TRHDE: variants seen among roughly 807,000 people sequenced by gnomAD.
TRHDE encodes the protein thyrotropin releasing hormone degrading enzyme.
A neutral mutation model predicts 125.7 loss-of-function variants in TRHDE; 72 were observed. The observed-to-expected ratio is 0.57, with a 90% CI of 0.47 to 0.70. TRHDE has a LOEUF of 0.70. TRHDE is among the 30% of genes least tolerant of loss of function. The pLI is 0.00. For synonymous variants in TRHDE, 509 were observed against 509.1 expected (o/e 1.00, Z 0.00); for missense variants, 1,110 against 1,327.1 (o/e 0.84, Z 2.54).
At chr12:72,311,185 A>G (rs1162199459) in intron 2 of TRHDE, among the ~76,000 whole-genome samples, 1 of 151,992 alleles carries the variant, frequency 6.6e-6, no homozygotes, top group African/African-American at 2.4e-5. Context: ...CCCCAGCTCC[A>G]GGCCTTGGCA....
At chr12:72,301,815 G>A (rs1868264006) in intron 2 of TRHDE, among the ~76,000 whole-genome samples, 1 of 152,130 alleles carries the variant, frequency 6.6e-6, no homozygotes, top group Non-Finnish European at 1.5e-5. Context: ...TAGGACTGTA[G>A]GTAGGGTGGG....
chr12:72,499,283 G>A (rs946418649), intron 5 of TRHDE, among the ~76,000 whole-genome samples: 4 of 152,070 alleles, frequency 2.6e-5, no homozygotes, highest in Admixed American at 2.0e-4. Context: ...CCAATGTAGT[G>A]TCCATTGATT....
intron 2 of TRHDE, among the ~76,000 whole-genome samples, chr12:72,253,075 A>G (rs1878721319): frequency 6.6e-6 from 1 of 152,074 alleles, no homozygotes; most frequent in Admixed American, 6.5e-5. Flanking sequence ...TCATTTTGTT[A>G]TAACTTTGAT....
At chr12:72,340,696 A>G (rs1022011155) in intron 2 of TRHDE, among the ~76,000 whole-genome samples, 3 of 152,094 alleles carry the variant, frequency 2.0e-5, no homozygotes, top group Non-Finnish European at 4.4e-5. Context: ...TCCAAGCAGC[A>G]GGAAAGAGGA....
chr12:72,645,857 A>T (rs977560703), intron 15 of TRHDE, among the ~76,000 whole-genome samples: 5 of 152,090 alleles, frequency 3.3e-5, no homozygotes, highest in Non-Finnish European at 5.9e-5. Flanking sequence ...AACCAAGAAA[A>T]CTATACAAGC....
intron 3 of TRHDE, among the ~76,000 whole-genome samples, chr12:72,404,835 A>G (rs1873200012): frequency 6.6e-6 from 1 of 152,190 alleles, no homozygotes. Context: ...TACCTCTGCT[A>G]CTTCTGAGAT....
At chr12:72,634,836 A>AT (rs1331030491) in intron 15 of TRHDE, among the ~76,000 whole-genome samples, 1 of 151,540 alleles carries the variant, frequency 6.6e-6, no homozygotes. Flanking sequence ...TGAACTCATC[A>AT]TTTTTTATGG....
At chr12:72,545,151 A>G (rs952927711) in intron 7 of TRHDE, among the ~76,000 whole-genome samples, 5 of 151,448 alleles carry the variant, frequency 3.3e-5, no homozygotes. Flanking sequence ...ATTGAGCTTG[A>G]ACATTTCTGT....
At chr12:72,427,490 C>T (rs1053495713) in intron 3 of TRHDE, among the ~76,000 whole-genome samples, 1 of 152,052 alleles carries the variant, frequency 6.6e-6, no homozygotes, top group African/African-American at 2.4e-5. Context: ...GGTTTTTACT[C>T]TTCTTTTAGT....
chr12:72,136,299 A>G (rs564820835), intron 2 of TRHDE, among the ~76,000 whole-genome samples: 1 of 152,198 alleles, frequency 6.6e-6, no homozygotes, highest in Non-Finnish European at 1.5e-5. Flanking sequence ...TGAATTGCAT[A>G]TTGGTGAGAA....
intron 6 of TRHDE, among the ~76,000 whole-genome samples, chr12:72,515,647 T>G (rs1293107048): frequency 6.6e-6 from 1 of 152,072 alleles, no homozygotes; most frequent in African/African-American, 2.4e-5. Flanking sequence ...TTAGTTTAAT[T>G]AGATCCCATT....
intron 3 of TRHDE, among the ~76,000 whole-genome samples, chr12:72,422,157 G>C (rs951878034): frequency 2.0e-5 from 3 of 152,034 alleles, no homozygotes; most frequent in Non-Finnish European, 4.4e-5. Flanking sequence ...GAAATGTAGT[G>C]GTTTCTTTTC....
intron 2 of TRHDE, among the ~76,000 whole-genome samples, chr12:72,290,188 G>A (rs1330284078): frequency 6.6e-6 from 1 of 152,170 alleles, no homozygotes; most frequent in Non-Finnish European, 1.5e-5. Flanking sequence ...TTTGGTCTTA[G>A]AGAAGCAGAT....
intron 18 of TRHDE, among the ~76,000 whole-genome samples, chr12:72,660,426 T>C (rs1256789425): frequency 2.6e-5 from 4 of 152,008 alleles, no homozygotes; most frequent in African/African-American, 4.8e-5. Flanking sequence ...GAAAGGAGAC[T>C]CCCTTTTGCA....
chr12:72,090,793 GGCC>G (rs1297009751), intron 1 of TRHDE, among the ~76,000 whole-genome samples: 6 of 151,704 alleles, frequency 4.0e-5, no homozygotes, highest in Admixed American at 3.3e-4. Flanking sequence ...ATAACCACTT[GGCC>G]TATTGGTGTG....
At chr12:72,342,007 C>T (rs1284437992) in intron 2 of TRHDE, among the ~76,000 whole-genome samples, 3 of 151,770 alleles carry the variant, frequency 2.0e-5, no homozygotes, top group African/African-American at 7.3e-5. Flanking sequence ...TTGAAATACA[C>T]AATTCAAAAT....
At chr12:72,318,847 T>C (rs1868938074) in intron 2 of TRHDE, among the ~76,000 whole-genome samples, 1 of 152,154 alleles carries the variant, frequency 6.6e-6, no homozygotes, top group Non-Finnish European at 1.5e-5. Context: ...GTGCTATTAT[T>C]ATCATTTTGT....
chr12:72,121,594 T>C (rs1875583529), intron 2 of TRHDE, among the ~76,000 whole-genome samples: 1 of 152,128 alleles, frequency 6.6e-6, no homozygotes. Flanking sequence ...TGCCAGATGA[T>C]AGGGGAGAGG....
intron 12 of TRHDE, among the ~76,000 whole-genome samples, chr12:72,587,877 T>A (rs566091918): frequency 5.7e-4 from 87 of 152,308 alleles, no homozygotes; most frequent in Middle Eastern, 3.4e-3. Flanking sequence ...TTTTAAATTT[T>A]AAAATTTTAA....
Sources: allele counts gnomAD v4.1 joint callset (sites outside exome capture counted in the v4.1 genomes callset), GRCh38; gene constraint gnomAD v4.1.1; transcripts MANE v1.5; gene names NCBI Gene and HGNC (gene_info 2026-07-23, HGNC 2026-07-21).